NTM: variants seen among roughly 807,000 people sequenced by gnomAD.
The protein encoded by NTM is IgLON family member 2.
NTM carries 13 observed loss-of-function variants against 42.1 expected under a neutral mutation model. The observed-to-expected ratio is 0.31, with a 90% CI of 0.20 to 0.49. NTM has a LOEUF of 0.49. NTM is among the 20% of genes least tolerant of loss of function. The pLI, the probability that NTM is intolerant of heterozygous loss-of-function variation, is 0.99. For synonymous variants in NTM, 187 were observed against 179.2 expected (o/e 1.04, Z -0.35); for missense variants, 373 against 452.8 (o/e 0.82, Z 1.60).
In NTM at chr11:132,252,075, C is replaced by A. The variant is rs1032689787; in HGVS notation, c.526+39928C>A. Reference sequence around the variant, plus strand: ...AGGTTTGTCCTTGGAGCACTCCCTGCCATAAGCCCCTCAGCCTCCCTCCTA... The same window carrying A: ...AGGTTTGTCCTTGGAGCACTCCCTGACATAAGCCCCTCAGCCTCCCTCCTA... On this transcript the variant is annotated intron_variant, in intron 4 of 8. Transcript: ENST00000683400. Among the ~76,000 whole-genome samples, 12 of 152,190 alleles carry A rather than the reference C, an allele frequency of 7.9e-5. No homozygotes were observed. The East Asian group carries it at 2.3e-3, about 29-fold the overall frequency.
At chr11:131,862,918 G>T (rs2046791778) in intron 1 of NTM, among the ~76,000 whole-genome samples, 1 of 152,176 alleles carries the variant, frequency 6.6e-6, no homozygotes, top group Non-Finnish European at 1.5e-5. Flanking sequence ...AGGATTTTAG[G>T]ATTCCAGACT....
intron 1 of NTM, among the ~76,000 whole-genome samples, chr11:131,635,296 G>A (rs2064215831): frequency 1.3e-5 from 2 of 152,182 alleles, no homozygotes; most frequent in African/African-American, 2.4e-5. Context: ...GACATCTCCT[G>A]CGTGTTACTG....
At chr11:131,948,596 C>T (rs1264112215) in intron 2 of NTM, among the ~76,000 whole-genome samples, 1 of 152,132 alleles carries the variant, frequency 6.6e-6, no homozygotes, top group Non-Finnish European at 1.5e-5. Context: ...GTGTCCGGTT[C>T]AGCCCTTTAG....
intron 1 of NTM, among the ~76,000 whole-genome samples, chr11:131,434,069 T>C (rs1948916910): frequency 6.6e-6 from 1 of 152,210 alleles, no homozygotes; most frequent in Non-Finnish European, 1.5e-5. Flanking sequence ...GTCCTTGTGA[T>C]AGTTTGCTCA....
intron 1 of NTM, among the ~76,000 whole-genome samples, chr11:131,391,121 T>G (rs1011302293): frequency 6.6e-6 from 1 of 152,218 alleles, no homozygotes; most frequent in African/African-American, 2.4e-5. Context: ...TTATGTGTGA[T>G]ATTTTATTTA....
chr11:132,243,520 C>T (rs116972622), intron 4 of NTM, among the ~76,000 whole-genome samples: 3,667 of 152,172 alleles, frequency 0.024, 69 homozygotes, highest in Non-Finnish European at 0.035. Flanking sequence ...GCCTTCTGCA[C>T]GCTCAGAGCC....
intron 2 of NTM, among the ~76,000 whole-genome samples, chr11:131,965,222 G>A (rs1565839101): frequency 6.6e-6 from 1 of 152,140 alleles, no homozygotes. Flanking sequence ...AAGCCAAGAG[G>A]ATGAATGAGG....
Position 131,383,072 on chromosome 11 carries a change from C to T in NTM, c.82+12184C>T, listed in dbSNP as rs544217287. Among the ~76,000 whole-genome samples the T allele has an allele frequency of 6.6e-5, 10 of 152,260 alleles. No homozygotes were observed. The East Asian group carries it at 1.9e-3, about 29-fold the overall frequency. On this transcript the variant is annotated intron_variant, in intron 1 of 8. Coordinates refer to ENST00000683400, the MANE Select transcript of NTM (RefSeq NM_001352005.2). ...ACTTAAAACTTTATTGCCCCTGTGT[C>T]CATTGTTTAAATCCATTGAGATTAT...
intron 1 of NTM, among the ~76,000 whole-genome samples, chr11:131,836,057 A>T (rs1203522986): frequency 6.6e-6 from 1 of 152,210 alleles, no homozygotes; most frequent in Non-Finnish European, 1.5e-5. Flanking sequence ...GAATGAAGAC[A>T]GGCTGCAAGA....
At chr11:132,240,940 A>T (rs1232767227) in intron 4 of NTM, among the ~76,000 whole-genome samples, 1 of 152,240 alleles carries the variant, frequency 6.6e-6, no homozygotes, top group Non-Finnish European at 1.5e-5. Flanking sequence ...AAGCACTGAC[A>T]TGATATCACA....
chr11:131,845,725 C>A (rs564063067), intron 1 of NTM, among the ~76,000 whole-genome samples: 5 of 150,402 alleles, frequency 3.3e-5, no homozygotes, highest in East Asian at 3.9e-4. Context: ...TTTAAAATAT[C>A]TTTTCTTGCT....
intron 2 of NTM, among the ~76,000 whole-genome samples, chr11:131,935,632 G>A (rs1044816413): frequency 1.3e-5 from 2 of 152,134 alleles, no homozygotes; most frequent in African/African-American, 4.8e-5. Flanking sequence ...TCCCTGGCCT[G>A]TTTTATCAGA....
intron 2 of NTM, among the ~76,000 whole-genome samples, chr11:132,108,097 C>T (rs192645685): frequency 9.8e-5 from 15 of 152,296 alleles, no homozygotes; most frequent in Admixed American, 2.0e-4. Context: ...ACCAAAATGC[C>T]GCATACAAAC....
intron 1 of NTM, among the ~76,000 whole-genome samples, chr11:131,785,807 A>G (rs932853405): frequency 6.6e-6 from 1 of 152,234 alleles, no homozygotes; most frequent in African/African-American, 2.4e-5. Flanking sequence ...AGGGGACAGA[A>G]TGTGCTTTAT....
intron 1 of NTM, among the ~76,000 whole-genome samples, chr11:131,675,574 C>A (rs1481535472): frequency 6.6e-6 from 1 of 152,176 alleles, no homozygotes; most frequent in African/African-American, 2.4e-5. Flanking sequence ...CCAAAGGAGA[C>A]TCTGAGGCCG....
intron 2 of NTM, among the ~76,000 whole-genome samples, chr11:132,088,249 G>A (rs974518987): frequency 6.6e-6 from 1 of 152,160 alleles, no homozygotes; most frequent in Non-Finnish European, 1.5e-5. Context: ...TGAGTGGGGT[G>A]GGGGACGTGG....
At chr11:131,421,856 C>A (rs1197596312) in intron 1 of NTM, among the ~76,000 whole-genome samples, 1 of 152,148 alleles carries the variant, frequency 6.6e-6, no homozygotes, top group African/African-American at 2.4e-5. Context: ...TTCCTCGTAA[C>A]TTTGTTATGG....
intron 1 of NTM, among the ~76,000 whole-genome samples, chr11:131,462,364 C>G (rs1244228909): frequency 6.6e-6 from 1 of 152,124 alleles, no homozygotes; most frequent in Non-Finnish European, 1.5e-5. Flanking sequence ...AAACTATGCA[C>G]TCAAAATGGT....
chr11:132,105,667 G>T (rs1211802381), intron 2 of NTM, among the ~76,000 whole-genome samples: 1 of 152,126 alleles, frequency 6.6e-6, no homozygotes, highest in Non-Finnish European at 1.5e-5. Flanking sequence ...GTGACTAATT[G>T]TCCTTAATTG....
Sources: gnomAD v4.1 joint callset for allele counts (sites outside exome capture counted in the v4.1 genomes callset) on GRCh38, gnomAD v4.1.1 for gene constraint, MANE v1.5 for transcripts, NCBI Gene and HGNC (gene_info 2026-07-23, HGNC 2026-07-21) for gene names.